The following RARB variants were observed in gnomAD, a reference collection of about 807,000 sequenced individuals.
RARB encodes HBV-activated protein.
RARB carries 17 observed loss-of-function variants against 51.9 expected under a neutral mutation model. The ratio of observed to expected loss-of-function variants is 0.33; its 90% CI spans 0.22 to 0.49. The LOEUF (loss-of-function observed/expected upper bound fraction) is 0.49, where lower values mean the gene tolerates loss of function less well. Among genes scored for constraint, RARB ranks in the 20% least tolerant of loss-of-function variants. RARB has a pLI of 0.99. For missense variants in RARB, 369 were observed against 550.8 expected, an observed-to-expected ratio of 0.67 and a Z score of 3.30; for synonymous variants, 215 against 195.4, an observed-to-expected ratio of 1.10 and a Z score of -0.84.
intron 5 of RARB, among the ~76,000 whole-genome samples, chr3:25,404,101 C>T (rs781663128): frequency 2.0e-5 from 3 of 152,044 alleles, no homozygotes; most frequent in Non-Finnish European, 4.4e-5. Context: ...GCTTCAACTG[C>T]TCGATTCTGA....
intron 2 of RARB, among the ~76,000 whole-genome samples, chr3:25,051,622 G>C (rs1336832991): frequency 1.3e-5 from 2 of 152,002 alleles, no homozygotes; most frequent in Admixed American, 6.6e-5. Flanking sequence ...TATTTTTAAA[G>C]ATACTATTAT....
At chr3:25,203,798 T>C (rs1237787597) in intron 5 of RARB, among the ~76,000 whole-genome samples, 1 of 152,234 alleles carries the variant, frequency 6.6e-6, no homozygotes, top group Non-Finnish European at 1.5e-5. Flanking sequence ...TGTCAAGAAA[T>C]CTACTATTAG....
At chr3:24,915,667 C>G (rs372865468) in intron 2 of RARB, among the ~76,000 whole-genome samples, 53 of 152,160 alleles carry the variant, frequency 3.5e-4, no homozygotes, top group African/African-American at 1.2e-3. Flanking sequence ...GTTTGCCATA[C>G]AGCGTTGTGG....
At chr3:25,120,577 G>C (rs1699768600) in intron 3 of RARB, among the ~76,000 whole-genome samples, 1 of 133,222 alleles carries the variant, frequency 7.5e-6, no homozygotes, top group Non-Finnish European at 1.6e-5. Context: ...ATGCCTATTA[G>C]AGTATAATTT....
chr3:24,857,361 A>T (rs2125339463), intron 1 of RARB, among the ~76,000 whole-genome samples: 1 of 152,282 alleles, frequency 6.6e-6, no homozygotes, highest in East Asian at 1.9e-4. Context: ...CTGCTCGTTC[A>T]CCCAGAAACA....
chr3:25,238,172 G>C (rs1417839290), intron 5 of RARB, among the ~76,000 whole-genome samples: 1 of 150,554 alleles, frequency 6.6e-6, no homozygotes, highest in Non-Finnish European at 1.5e-5. Flanking sequence ...ATCCTTCCCA[G>C]TCTCTGGTAT....
intron 5 of RARB, among the ~76,000 whole-genome samples, chr3:25,238,160 A>C (rs1702348379): frequency 6.7e-6 from 1 of 149,354 alleles, no homozygotes; most frequent in Non-Finnish European, 1.5e-5. Context: ...GCCCCCCCAC[A>C]CATCCTTCCC....
intron 1 of RARB, chr3:25,458,512 G>A (rs191994185): frequency 1.3e-5 from 2 of 152,160 alleles, no homozygotes; most frequent in Admixed American, 6.5e-5. Flanking sequence ...GATTAGTTCC[G>A]TGTGAAGAAT....
chr3:25,095,376 C>T (rs1431768892), intron 3 of RARB, among the ~76,000 whole-genome samples: 3 of 152,196 alleles, frequency 2.0e-5, no homozygotes, highest in Non-Finnish European at 2.9e-5. Flanking sequence ...CTGGGAACTT[C>T]TTATAAATGC....
intron 2 of RARB, among the ~76,000 whole-genome samples, chr3:25,041,273 A>G (rs189351701): frequency 2.6e-5 from 4 of 152,304 alleles, no homozygotes; most frequent in African/African-American, 7.2e-5. Flanking sequence ...TGTCTTTTCC[A>G]GCACTAAAGT....
chr3:24,900,819 T>C lies in RARB; in HGVS notation c.-380+42067T>C, dbSNP rs751079591. 7.4e-4 allele frequency among the ~76,000 whole-genome samples: 112 copies of C among 152,176 alleles called. 1 individual carries two copies. Among genetic ancestry groups the C allele is most frequent in the Non-Finnish European group, 7.2e-4 (49 of 68,038 alleles). Reference sequence around the variant, plus strand: ...TGATACCACGAAAGTGATGTTATAATAAAATTTCAGGGAAAAGTTGGGTGA... The same window carrying C: ...TGATACCACGAAAGTGATGTTATAACAAAATTTCAGGGAAAAGTTGGGTGA... On this transcript the variant is annotated intron_variant, in intron 2 of 11. Coordinates refer to the RARB transcript ENST00000383772.
rs147870854 is a variant in RARB at position 25,324,500 on chromosome 3, C to T, written c.179-136693C>T. ...GGCCTGAGTCTGCACCCCTGAAGAG[C>T]AAAATGATCTATGCCAACTCCAAGG... On this transcript the variant is annotated intron_variant, in intron 5 of 11. Coordinates refer to the RARB transcript ENST00000383772. 2.1e-3 allele frequency: 339 copies of T among 158,512 alleles called. 1 individual carries two copies. The highest frequency in any genetic ancestry group is 3.9e-3 in the Non-Finnish European group (272 of 69,420). 9.8% of individuals were successfully genotyped at this position (158,512 alleles called of 1,614,324 possible).
intron 3 of RARB, among the ~76,000 whole-genome samples, chr3:25,543,258 G>A (rs1699460348): frequency 6.6e-6 from 1 of 152,062 alleles, no homozygotes; most frequent in African/African-American, 2.4e-5. Context: ...AAAAGACTTG[G>A]CTTTTAAAAG....
chr3:25,009,061 C>T (rs183737140), intron 2 of RARB, among the ~76,000 whole-genome samples: 14 of 152,274 alleles, frequency 9.2e-5, no homozygotes, highest in Non-Finnish European at 1.8e-4. Flanking sequence ...CTGGTCCCTT[C>T]TAAATCAGTC....
At chr3:25,301,479 G>T (rs1704036932) in intron 5 of RARB, among the ~76,000 whole-genome samples, 1 of 152,138 alleles carries the variant, frequency 6.6e-6, no homozygotes, top group African/African-American at 2.4e-5. Context: ...TAACCATAAG[G>T]TCCTGTATGT....
chr3:25,049,041 C>G (rs946125820), intron 2 of RARB, among the ~76,000 whole-genome samples: 2 of 152,102 alleles, frequency 1.3e-5, no homozygotes, highest in Non-Finnish European at 1.5e-5. Context: ...CGTGAGCCAC[C>G]GCGCCCAGCT....
At chr3:25,408,712 G>A (rs1454862365) in intron 5 of RARB, among the ~76,000 whole-genome samples, 2 of 152,126 alleles carry the variant, frequency 1.3e-5, no homozygotes, top group Admixed American at 6.5e-5. Context: ...AGCAACAACA[G>A]TGTATATGCC....
In RARB at chr3:25,265,009, C is replaced by A. The variant is rs954528191; in HGVS notation, c.178+90434C>A. Among the ~76,000 whole-genome samples, 5 of 152,104 alleles carry A rather than the reference C, an allele frequency of 3.3e-5. No homozygotes were observed. In the South Asian group the frequency reaches 1.0e-3, roughly 31 times the overall value. On this transcript the variant is annotated intron_variant, in intron 5 of 11. Transcript: ENST00000383772. ...AAGCTCTCAGAAATAGTATTAGCACCCTTACAAAACGGGCTCTGTGAAACA... is the reference window on the plus strand; with the variant it reads ...AAGCTCTCAGAAATAGTATTAGCACACTTACAAAACGGGCTCTGTGAAACA...
At chr3:25,497,933 T>A (rs1697123346) in intron 2 of RARB, among the ~76,000 whole-genome samples, 1 of 152,160 alleles carries the variant, frequency 6.6e-6, no homozygotes, top group African/African-American at 2.4e-5. Flanking sequence ...ATTTTTTTTC[T>A]CTGAATTCCT....
Sources: allele counts gnomAD v4.1 joint callset (sites outside exome capture counted in the v4.1 genomes callset), GRCh38; gene constraint gnomAD v4.1.1; transcripts MANE v1.5; gene names NCBI Gene and HGNC (gene_info 2026-07-23, HGNC 2026-07-21).